Variants in TRPC5 observed in about 807,000 individuals in gnomAD.
The protein encoded by TRPC5 is transient receptor potential cation channel subfamily C member 5.
TRPC5 carries 9 observed loss-of-function variants against 56.5 expected under a neutral mutation model. The observed-to-expected ratio is 0.16, with a 90% CI of 0.10 to 0.28. The LOEUF is 0.28. TRPC5 is among the 10% of genes least tolerant of loss of function. The probability of loss-of-function intolerance (pLI) is 1.00; values close to 1 mark genes in which losing one functional copy is unlikely to be tolerated. For missense variants in TRPC5, 469 were observed against 748.9 expected (o/e 0.63, Z 4.36); for synonymous variants, 282 against 278.5 (o/e 1.01, Z -0.13).
chrX:112,051,587 C>T (rs1268640098), intron 1 of TRPC5, among the ~76,000 whole-genome samples: 1 of 112,232 alleles, frequency 8.9e-6, no homozygotes, highest in Admixed American at 9.4e-5. Context: ...TCCAACTGAT[C>T]TTGAAGCCAG....
chrX:111,893,451 TTGAGGAAACACTG>T (rs1924910264), intron 3 of TRPC5, among the ~76,000 whole-genome samples: 1 of 111,803 alleles, frequency 8.9e-6, no homozygotes, highest in South Asian at 3.8e-4. Context: ...GAACAGTGTT[TTGAGGAAACACTG>T]TATCTGTCTA....
At chrX:112,071,354 T>A (rs1930716090) in intron 1 of TRPC5, among the ~76,000 whole-genome samples, 1 of 106,652 alleles carries the variant, frequency 9.4e-6, no homozygotes, top group African/African-American at 3.5e-5. Context: ...ATAAAAAGAA[T>A]CCTATGAGAT....
At chrX:111,978,371 A>T (rs1927985537) in intron 1 of TRPC5, among the ~76,000 whole-genome samples, 1 of 111,671 alleles carries the variant, frequency 9.0e-6, no homozygotes, top group Non-Finnish European at 1.9e-5. Context: ...TAATATGTGG[A>T]ATCTGAGATA....
At chrX:111,780,533 A>AC (rs1032877220) in intron 9 of TRPC5, among the ~76,000 whole-genome samples, 7 of 109,162 alleles carry the variant, frequency 6.4e-5, no homozygotes, top group Admixed American at 2.0e-4. Flanking sequence ...TGGTCCCAGG[A>AC]CCCCCCGCCC....
rs753015650 is a variant in TRPC5, at chrX:111,772,452, T to A, written c.*3861A>T. Among the ~76,000 whole-genome samples the A allele has an allele frequency of 6.3e-5, 7 of 111,914 alleles. 1 individual carries two copies. The South Asian group carries it at 2.3e-3, about 36-fold the overall frequency. On this transcript the variant is annotated 3_prime_UTR_variant, in exon 11 of 11. Coordinates refer to ENST00000262839, the MANE Select transcript of TRPC5 (RefSeq NM_012471.3). ...CTTAGGTACCTTTATTTATTTATTTTTGAGACAGTCTCGCTCTGCCGCCCA... is the reference window on the plus strand; with the variant it reads ...CTTAGGTACCTTTATTTATTTATTTATGAGACAGTCTCGCTCTGCCGCCCA...
At chrX:111,789,326 A>G (rs751071870) in intron 7 of TRPC5, among the ~76,000 whole-genome samples, 2 of 112,247 alleles carry the variant, frequency 1.8e-5, no homozygotes, top group African/African-American at 6.5e-5. Context: ...AGGATTCCCT[A>G]TTTAATAAAT....
intron 3 of TRPC5, among the ~76,000 whole-genome samples, chrX:111,905,807 C>G (rs1603091446): frequency 9.3e-6 from 1 of 107,408 alleles, no homozygotes; most frequent in East Asian, 2.9e-4. Flanking sequence ...CCCAGCTACT[C>G]AGGAGGCTGA....
At position 111,772,478 on chromosome X, in the gene TRPC5, G is replaced by C. The variant is rs939332863; in HGVS notation, c.*3835C>G. Among the ~76,000 whole-genome samples the C allele has an allele frequency of 3.6e-5, 4 of 111,694 alleles. No individual in the cohort carries two copies. Among genetic ancestry groups the C allele is most frequent in the African/African-American group, 1.3e-4 (4 of 30,739 alleles). ...TGAGACAGTCTCGCTCTGCCGCCCA[G>C]GCTTGAGTGCAGTGGTGTGATCTCA... On this transcript the variant is annotated 3_prime_UTR_variant, in exon 11 of 11. Transcript: ENST00000262839.
chrX:111,842,874 T>TG (rs893769002), intron 6 of TRPC5, among the ~76,000 whole-genome samples: 30 of 102,730 alleles, frequency 2.9e-4, no homozygotes, highest in African/African-American at 8.7e-4. Context: ...CCAGTCATCC[T>TG]GGGGGGGCAG....
At chrX:112,053,541 A>C (rs1473948166) in intron 1 of TRPC5, among the ~76,000 whole-genome samples, 1 of 111,590 alleles carries the variant, frequency 9.0e-6, no homozygotes. Flanking sequence ...GTGTCTCAAA[A>C]GCACATTTTT....
chrX:111,798,251 G>A (rs942545901), intron 7 of TRPC5, among the ~76,000 whole-genome samples: 1 of 111,951 alleles, frequency 8.9e-6, no homozygotes, highest in African/African-American at 3.2e-5. Flanking sequence ...ACAACTGCAT[G>A]AAATTAACTG....
At chrX:111,922,031 G>A (rs1272466157) in intron 2 of TRPC5, among the ~76,000 whole-genome samples, 1 of 112,439 alleles carries the variant, frequency 8.9e-6, no homozygotes, top group Non-Finnish European at 1.9e-5. Context: ...CCAGAGGACA[G>A]CCTAGAGGAT....
chrX:111,931,147 G>A (rs1926402967), intron 2 of TRPC5: 1 of 110,628 alleles, frequency 9.0e-6, no homozygotes, highest in Non-Finnish European at 1.9e-5. Flanking sequence ...TAGAACATTT[G>A]TTAAAAAAAA....
rs920637548 is a variant in TRPC5, at chrX:111,769,347, G to A, written c.*6966C>T. ...TTAAACACAAAGGGTTAATCATTAT[G>A]GTTGTTCCCAAATCAGTGAAGCTTC... is the stretch of plus-strand genomic sequence containing the variant. On this transcript the variant is annotated 3_prime_UTR_variant, in exon 11 of 11. Coordinates refer to ENST00000262839, the MANE Select transcript of TRPC5 (RefSeq NM_012471.3). Among the ~76,000 whole-genome samples, 1 of 111,990 alleles carries A rather than the reference G, an allele frequency of 8.9e-6. No homozygotes were observed. The highest frequency in any genetic ancestry group is 1.9e-5 in the Non-Finnish European group (1 of 53,145).
intron 2 of TRPC5, among the ~76,000 whole-genome samples, chrX:111,915,733 A>G (rs1049194950): frequency 4.5e-5 from 5 of 111,629 alleles, no homozygotes; most frequent in Non-Finnish European, 9.4e-5. Flanking sequence ...TGTTTCCCCT[A>G]TGGCATCTAG....
chrX:111,978,113 T>A (rs1331630800), intron 1 of TRPC5, among the ~76,000 whole-genome samples: 1 of 112,140 alleles, frequency 8.9e-6, no homozygotes, highest in Non-Finnish European at 1.9e-5. Flanking sequence ...CCCACTTTTG[T>A]GTATGTAGCC....
chrX:111,978,450 GT>G (rs1189954393), intron 1 of TRPC5, among the ~76,000 whole-genome samples: 1 of 111,249 alleles, frequency 9.0e-6, no homozygotes, highest in East Asian at 2.8e-4. Flanking sequence ...TGGTCAAAGG[GT>G]ACAACATTTC....
intron 1 of TRPC5, among the ~76,000 whole-genome samples, chrX:111,954,175 T>C (rs1927167448): frequency 8.9e-6 from 1 of 112,531 alleles, no homozygotes; most frequent in South Asian, 3.7e-4. Flanking sequence ...ACTGCCTCTG[T>C]GCCTTTACCT....
rs1322653914 is a variant in TRPC5 at position 111,772,261 on chromosome X, A to T, written c.*4052T>A. Among the ~76,000 whole-genome samples, 1 of 111,875 alleles carries T rather than the reference A, an allele frequency of 8.9e-6. No individual in the cohort carries two copies. Among genetic ancestry groups the T allele is most frequent in the African/African-American group, 3.2e-5 (1 of 30,801 alleles). On this transcript the variant is annotated 3_prime_UTR_variant, in exon 11 of 11. Coordinates refer to ENST00000262839, the MANE Select transcript of TRPC5 (RefSeq NM_012471.3). ...AAGTAAGCCAAAGAAACAATCTAAA[A>T]TATCCTTAGTTTTGAGGCAAAGCTG...
Sources: allele counts gnomAD v4.1 joint callset (sites outside exome capture counted in the v4.1 genomes callset), GRCh38; gene constraint gnomAD v4.1.1; transcripts MANE v1.5; gene names NCBI Gene and HGNC (gene_info 2026-07-23, HGNC 2026-07-21).